SLC18B1: variants seen among roughly 807,000 people sequenced by gnomAD.
SLC18B1 encodes the protein solute carrier family 18 member B1, also known as MFS-type transporter SLC18B1.
In SLC18B1, 62 loss-of-function variants were observed where a neutral mutation model predicts 53.9. That is an observed-to-expected ratio of 1.15 (90% CI 0.94 to 1.42). SLC18B1 has a LOEUF of 1.42. Among genes scored for constraint, SLC18B1 ranks in the 40% most tolerant of loss-of-function variants. The pLI is 0.00. For synonymous variants in SLC18B1, 217 were observed against 200.9 expected, an observed-to-expected ratio of 1.08 and a Z score of -0.68; for missense variants, 598 against 547.3, an observed-to-expected ratio of 1.09 and a Z score of -0.93.
chr6:132,780,205 A>G (rs972352542), intron 6 of SLC18B1, among the ~76,000 whole-genome samples: 1 of 151,604 alleles, frequency 6.6e-6, no homozygotes, highest in Non-Finnish European at 1.5e-5. Flanking sequence ...TGCTCAAGTG[A>G]TACTCCTGTC....
chr6:132,794,283 T>C (rs1034161301), intron 2 of SLC18B1, among the ~76,000 whole-genome samples: 1 of 151,540 alleles, frequency 6.6e-6, no homozygotes, highest in Non-Finnish European at 1.5e-5. Context: ...TTTGTATTTT[T>C]AGTACAGACA....
Position 132,797,160 on chromosome 6 carries a change from G to A in SLC18B1, c.44-39C>T, listed in dbSNP as rs747599774. The A allele has an allele frequency of 1.9e-6, 3 of 1,609,342 alleles. No individual in the cohort carries two copies. The Admixed American group carries it at 5.1e-5, about 27-fold the overall frequency. Reference sequence around the variant, plus strand: ...ATGCAGCAATTAGGCATATAATTGAGACTACTGATTAAAGTACACAAATGT... The same window carrying A: ...ATGCAGCAATTAGGCATATAATTGAAACTACTGATTAAAGTACACAAATGT... On this transcript the variant is annotated intron_variant, in intron 1 of 13. Coordinates refer to ENST00000275227, the MANE Select transcript of SLC18B1 (RefSeq NM_052831.3).
rs1447903619 is a variant in SLC18B1, at chr6:132,783,917, A to G, written c.658+16T>C. ...ATATTTAAGGTTCTTAAAATGAGTA[A>G]TAAGTGTGGACTTACCGTAATTGGG... On this transcript the variant is annotated intron_variant, in intron 6 of 13. Coordinates refer to ENST00000275227, the MANE Select transcript of SLC18B1 (RefSeq NM_052831.3). The G allele has an allele frequency of 5.2e-6, 8 of 1,532,290 alleles. No individual in the cohort carries two copies. Among genetic ancestry groups the G allele is most frequent in the Non-Finnish European group, 7.0e-6 (8 of 1,143,780 alleles). The allele number at this position is 1,532,290 out of a possible 1,614,324, so 94.9% of individuals were successfully genotyped here.
chr6:132,798,009 A>T (rs1781744161), intron 1 of SLC18B1, among the ~76,000 whole-genome samples: 1 of 152,228 alleles, frequency 6.6e-6, no homozygotes, highest in African/African-American at 2.4e-5. Context: ...AAGGAAAAAA[A>T]AAATCAGTGC....
chr6:132,789,415 T>C (rs1331992238), intron 4 of SLC18B1: 1 of 179,076 alleles, frequency 5.6e-6, no homozygotes, highest in Non-Finnish European at 1.2e-5. Flanking sequence ...ATCTGTATTC[T>C]GATATTTTTT....
chr6:132,795,531 A>G (rs538645450), intron 2 of SLC18B1, among the ~76,000 whole-genome samples: 1 of 152,354 alleles, frequency 6.6e-6, no homozygotes, highest in East Asian at 1.9e-4. Context: ...ACATGGCAAT[A>G]TTGTTCCTTT....
intron 9 of SLC18B1, among the ~76,000 whole-genome samples, chr6:132,773,368 C>T (rs985842157): frequency 1.3e-5 from 2 of 152,140 alleles, no homozygotes; most frequent in East Asian, 3.8e-4. Flanking sequence ...GCCAACCTGG[C>T]TTCTTCTCAC....
At chr6:132,779,132 G>A (rs1482913798) in intron 7 of SLC18B1, 136 bp downstream of exon 7, 12 of 899,118 alleles carry the variant, frequency 1.3e-5, no homozygotes, top group Admixed American at 8.9e-5. Flanking sequence ...AGAGGGACAC[G>A]CTACCTCGGT....
intron 2 of SLC18B1, 96 bp from the exon 3 acceptor site, chr6:132,790,368 C>A: frequency 1.2e-6 from 1 of 810,076 alleles, no homozygotes. Context: ...TTCTTGTGAA[C>A]TTTATCTGTA....
rs1048022345 is a variant in SLC18B1, at chr6:132,787,309, G to A, written c.501+125C>T. The A allele has an allele frequency of 1.7e-5, 16 of 915,414 alleles. No individual in the cohort carries two copies. In the African/African-American group the frequency reaches 2.6e-4, roughly 15 times the overall value. The allele number at this position is 915,414 out of a possible 1,614,324, so 56.7% of individuals were successfully genotyped here. On this transcript the variant is annotated intron_variant, in intron 5 of 13. Coordinates refer to ENST00000275227, the MANE Select transcript of SLC18B1 (RefSeq NM_052831.3). ...GCTGCTAGTCAAACTCGGGGTGAAA[G>A]GCAACAATAATACAGAGAGTAGAGA...
intron 5 of SLC18B1, among the ~76,000 whole-genome samples, chr6:132,784,730 G>T (rs988498418): frequency 6.6e-6 from 1 of 152,152 alleles, no homozygotes; most frequent in African/African-American, 2.4e-5. Context: ...TAACTTACAA[G>T]TTTAGACATG....
chr6:132,781,607 A>C (rs970379286), intron 6 of SLC18B1, among the ~76,000 whole-genome samples: 6 of 151,916 alleles, frequency 3.9e-5, no homozygotes, highest in African/African-American at 1.5e-4. Context: ...AAATACAAAA[A>C]TCAGCCAGGT....
chr6:132,770,772 G>T, intron 13 of SLC18B1, 118 bp downstream of exon 13: 1 of 944,786 alleles, frequency 1.1e-6, no homozygotes, highest in Non-Finnish European at 1.6e-6. Context: ...ACCAACTGAT[G>T]AGCCTCAGAG....
At chr6:132,777,210 T>C (rs9493438) in intron 7 of SLC18B1, among the ~76,000 whole-genome samples, 34,888 of 151,686 alleles carry the variant, frequency 0.23, 6,408 homozygotes, top group African/African-American at 0.51. Context: ...CACTATATTC[T>C]AGCCTGGGTG....
intron 5 of SLC18B1, among the ~76,000 whole-genome samples, chr6:132,786,336 G>C (rs1365053520): frequency 1.3e-5 from 2 of 152,064 alleles, no homozygotes; most frequent in African/African-American, 2.4e-5. Context: ...ACGAGGTCAG[G>C]AGATCGAGAC....
intron 1 of SLC18B1, among the ~76,000 whole-genome samples, chr6:132,797,789 T>C (rs1781736781): frequency 1.3e-5 from 2 of 149,514 alleles, no homozygotes; most frequent in Admixed American, 1.3e-4. Flanking sequence ...AAATACTTTT[T>C]TTTTACCCTA....
At chr6:132,787,268 A>G (rs1366484846) in intron 5 of SLC18B1, among the ~76,000 whole-genome samples, 166 bp downstream of exon 5, 1 of 152,214 alleles carries the variant, frequency 6.6e-6, no homozygotes, top group Non-Finnish European at 1.5e-5. Flanking sequence ...CCAATGTTAC[A>G]TTTATTGACA....
At chr6:132,770,595 G>A (rs146317115) in intron 13 of SLC18B1, among the ~76,000 whole-genome samples, 1,918 of 152,222 alleles carry the variant, frequency 0.013, 41 homozygotes, top group African/African-American at 0.042. Flanking sequence ...AATTAACTGG[G>A]CATGGTGACC....
chr6:132,786,507 C>T (rs1436570024), intron 5 of SLC18B1, among the ~76,000 whole-genome samples: 1 of 149,012 alleles, frequency 6.7e-6, no homozygotes, highest in Non-Finnish European at 1.5e-5. Flanking sequence ...CGAGATCGCT[C>T]CACTGCACTC....
Sources: gnomAD v4.1 joint callset for allele counts (sites outside exome capture counted in the v4.1 genomes callset) on GRCh38, gnomAD v4.1.1 for gene constraint, MANE v1.5 for transcripts, NCBI Gene and HGNC (gene_info 2026-07-23, HGNC 2026-07-21) for gene names.